The following KIFC1 variants were observed in gnomAD, a reference collection of about 807,000 sequenced individuals.
KIFC1 encodes the protein kinesin-like protein KIFC1.
Under a neutral mutation model 66.6 loss-of-function variants are expected in KIFC1, and 37 were observed. The observed-to-expected ratio is 0.56, with a 90% CI of 0.43 to 0.73. The LOEUF is 0.73. Among genes scored for constraint, KIFC1 ranks in the 30% least tolerant of loss-of-function variants. The probability of loss-of-function intolerance (pLI) is 0.00; values close to 1 mark genes in which losing one functional copy is unlikely to be tolerated. For missense variants in KIFC1, 721 were observed against 859.8 expected (o/e 0.84, Z 2.02); for synonymous variants, 325 against 343.5 (o/e 0.95, Z 0.60).
At chr6:33,395,165 G>T (rs1774972030) in intron 1 of KIFC1, among the ~76,000 whole-genome samples, 1 of 152,228 alleles carries the variant, frequency 6.6e-6, no homozygotes, top group Non-Finnish European at 1.5e-5. Context: ...GCTTAGGAGA[G>T]AAATTGGCCA....
intron 3 of KIFC1, 91 bp downstream of exon 3, chr6:33,398,478 T>A: frequency 9.4e-7 from 1 of 1,059,720 alleles, no homozygotes; most frequent in Non-Finnish European, 1.4e-6. Flanking sequence ...TATTTTATTT[T>A]TTTTGAGACA....
chr6:33,398,801 A>G (rs989110343), intron 3 of KIFC1, among the ~76,000 whole-genome samples: 3 of 152,104 alleles, frequency 2.0e-5, no homozygotes, highest in South Asian at 2.1e-4. Context: ...ATTTGGTTCA[A>G]AATTCCAAAG....
Position 33,406,539 on chromosome 6 carries a change from C to G in KIFC1, c.1827+53C>G. ...GGACCTGGGGGACAGTTGGGGTTGGCTGTGCAGAACCCTGCCTATTCCTAA... is the reference window on the plus strand; with the variant it reads ...GGACCTGGGGGACAGTTGGGGTTGGGTGTGCAGAACCCTGCCTATTCCTAA... On this transcript the variant is annotated intron_variant, in intron 8 of 10. Transcript: ENST00000428849. This position sits in a 1 kb window ranked among gnomAD's most constrained non-coding sequence, Gnocchi z 4.5. 6.2e-7 allele frequency: 1 copy of G among 1,612,116 alleles called. No individual in the cohort carries two copies. Among genetic ancestry groups the G allele is most frequent in the Admixed American group, 1.7e-5 (1 of 59,918 alleles).
rs1775851391 is a variant in KIFC1 at position 33,409,751 on chromosome 6, G to GTGTC, written c.*62_*65dup. 8.1e-7 allele frequency: 1 copy of GTGTC among 1,235,666 alleles called. No individual in the cohort carries two copies. Among genetic ancestry groups the GTGTC allele is most frequent in the Non-Finnish European group, 1.1e-6 (1 of 881,030 alleles). 76.5% of individuals were successfully genotyped at this position (1,235,666 alleles called of 1,614,324 possible). A position where few individuals can be genotyped will look rare whatever the true frequency, so the allele number is the denominator to read the frequency against. ...TGTGTGTGTGTGTGTGTGTGTGTGT[G>GTGTC]TGTCCCTATGTCTATGTATCGGGTG... On this transcript the variant is annotated 3_prime_UTR_variant, in exon 11 of 11. Transcript: ENST00000428849.
chr6:33,401,877 T>C lies in KIFC1; in HGVS notation c.251-1437T>C, dbSNP rs9278046. 0.093 allele frequency among the ~76,000 whole-genome samples: 14,152 copies of C among 152,132 alleles called. 949 individuals are homozygous for C. Among genetic ancestry groups the C allele is most frequent in the Middle Eastern group, 0.17 (51 of 294 alleles). On this transcript the variant is annotated intron_variant, in intron 3 of 10. Coordinates refer to ENST00000428849, the MANE Select transcript of KIFC1 (RefSeq NM_002263.4). This position sits in a 1 kb window ranked among gnomAD's most constrained non-coding sequence, Gnocchi z 4.5. ...CCACCACGCCTGGTTAATTTTGTTT[T>C]TGTATTTTTAGGAGAGACGGGGTTT... is the stretch of plus-strand genomic sequence containing the variant.
In KIFC1 at chr6:33,405,568, G is replaced by A; in HGVS notation, c.1473G>A (p.Gly491=). ...QGGECEIRRA[G]PGSEELTVTN... The stretch of plus-strand genomic sequence containing the variant: ...GCGAGTGTGAGATTCGCCGTGCAGG[G>A]CCAGGGAGTGAGGAGCTCACTGTCA... The change falls in exon 7 of 11, where the codon GGG becomes GGA. Residue 491 remains glycine, a synonymous_variant. Coordinates refer to ENST00000428849, the MANE Select transcript of KIFC1 (RefSeq NM_002263.4). This position sits in a 1 kb window ranked among gnomAD's most constrained non-coding sequence, Gnocchi z 5.4. 6.3e-7 allele frequency: 1 copy of A among 1,577,822 alleles called. No homozygotes were observed. Among genetic ancestry groups the A allele is most frequent in the Non-Finnish European group, 8.6e-7 (1 of 1,164,486 alleles).
At chr6:33,399,776 C>T (rs529674666) in intron 3 of KIFC1, among the ~76,000 whole-genome samples, 1 of 152,180 alleles carries the variant, frequency 6.6e-6, no homozygotes, top group Non-Finnish European at 1.5e-5. Flanking sequence ...GGAAGTTGCT[C>T]TGGGTGAGTT....
At chr6:33,402,166 A>G (rs995191507) in intron 3 of KIFC1, among the ~76,000 whole-genome samples, 3 of 152,212 alleles carry the variant, frequency 2.0e-5, no homozygotes, top group African/African-American at 7.2e-5. Context: ...ACTATATGTA[A>G]TTATATGTGT....
At chr6:33,407,203 G>A in intron 10 of KIFC1, 1 of 567,312 alleles carries the variant, frequency 1.8e-6, no homozygotes, top group Non-Finnish European at 2.7e-6. Context: ...GAGCCCAGGA[G>A]TTTAAAATCA....
intron 1 of KIFC1, among the ~76,000 whole-genome samples, chr6:33,394,954 A>G (rs755900331): frequency 1.6e-4 from 25 of 152,234 alleles, no homozygotes; most frequent in Admixed American, 6.5e-4. Context: ...AGGACCTGCC[A>G]GTGAGGTAAG....
Position 33,403,804 on chromosome 6 carries a change from G to A in KIFC1, c.431G>A (p.Cys144Tyr), listed in dbSNP as rs754820177. The A allele has an allele frequency of 1.9e-6, 3 of 1,614,234 alleles. No individual in the cohort carries two copies. Among genetic ancestry groups the A allele is most frequent in the Non-Finnish European group, 2.5e-6 (3 of 1,180,044 alleles). The stretch of plus-strand genomic sequence containing the variant: ...GCCTGGGACTTAAAGGGTCAGTTAT[G>A]TGACCTAAATGCAGAACTAAAACGG... ...RPAWDLKGQLCDLNAELKRCR... is the reference protein window; with the variant it reads ...RPAWDLKGQLYDLNAELKRCR... The change falls in exon 6 of 11, where the codon TGT becomes TAT. Residue 144 changes from cysteine (C) to tyrosine (Y), a missense_variant. By Grantham distance (194) the Cys-to-Tyr change is radical. Transcript: ENST00000428849. The surrounding 1 kb of genome is among the most constrained non-coding windows in gnomAD (Gnocchi z 4.6).
chr6:33,404,051 G>C lies in KIFC1; in HGVS notation c.678G>C (p.Leu226Phe), dbSNP rs752344724. The change falls in exon 6 of 11, where the codon TTG becomes TTC. Residue 226 changes from leucine (L) to phenylalanine (F), a missense_variant. Leu to Phe is a conservative substitution (Grantham distance 22). Coordinates refer to ENST00000428849, the MANE Select transcript of KIFC1 (RefSeq NM_002263.4). The surrounding 1 kb of genome is among the most constrained non-coding windows in gnomAD (Gnocchi z 4.0). ...LEERLSTQEG[L>F]VQELQKKQVE... ...AGCGGCTGAGCACGCAGGAGGGCTTGGTGCAAGAGCTTCAGAAAAAACAGG... is the reference window on the plus strand; with the variant it reads ...AGCGGCTGAGCACGCAGGAGGGCTTCGTGCAAGAGCTTCAGAAAAAACAGG... 1 of 1,614,032 alleles carries C rather than the reference G, an allele frequency of 6.2e-7. No homozygotes were observed. Among genetic ancestry groups the C allele is most frequent in the African/African-American group, 1.3e-5 (1 of 74,914 alleles).
At chr6:33,393,435 T>A (rs1377261473) in intron 1 of KIFC1, among the ~76,000 whole-genome samples, 1 of 4,114 alleles carries the variant, frequency 2.4e-4, no homozygotes, top group African/African-American at 8.2e-4. Flanking sequence ...CACCATTGCC[T>A]TTTTTTTTTT....
Position 33,398,400 on chromosome 6 carries a change from G to T in KIFC1, c.250+13G>T. ...GGCCAGACCACAGGTGGGCTCTCAGGATGGATAGACTCCAAGGACATGGAA... is the reference window on the plus strand; with the variant it reads ...GGCCAGACCACAGGTGGGCTCTCAGTATGGATAGACTCCAAGGACATGGAA... On this transcript the variant is annotated intron_variant, in intron 3 of 10. Transcript: ENST00000428849. 1 of 1,580,654 alleles carries T rather than the reference G, an allele frequency of 6.3e-7. No individual in the cohort carries two copies. Among genetic ancestry groups the T allele is most frequent in the Non-Finnish European group, 8.7e-7 (1 of 1,149,708 alleles).
Position 33,406,409 on chromosome 6 carries a change from G to A in KIFC1, c.1750G>A (p.Glu584Lys). The change falls in exon 8 of 11, where the codon GAA becomes AAA. Residue 584 changes from glutamate to lysine, a missense_variant. Coordinates refer to ENST00000428849, the MANE Select transcript of KIFC1 (RefSeq NM_002263.4). This position sits in a 1 kb window ranked among gnomAD's most constrained non-coding sequence, Gnocchi z 4.5. ...PGLALGPGER[E>K]RLRETQAINS... ...CTTAGCCCTCGGCCCCGGGGAGCGG[G>A]AACGCCTTCGGGAAACACAGGCCAT... 6.2e-7 allele frequency: 1 copy of A among 1,609,114 alleles called. No homozygotes were observed. Among genetic ancestry groups the A allele is most frequent in the South Asian group, 1.1e-5 (1 of 90,754 alleles).
At chr6:33,407,546 T>C (rs1775720801) in intron 10 of KIFC1, among the ~76,000 whole-genome samples, 2 of 152,262 alleles carry the variant, frequency 1.3e-5, no homozygotes, top group African/African-American at 4.8e-5. Flanking sequence ...ACACTTGGAT[T>C]GTTTCCACAC....
rs1775304014 is a variant in KIFC1, at chr6:33,400,249, T to C, written c.250+1862T>C. ...GTTGACGATCTCATCAAAAGTGATATTCCCATTGTGTTTAATGTTTTTCTG... is the reference window on the plus strand; with the variant it reads ...GTTGACGATCTCATCAAAAGTGATACTCCCATTGTGTTTAATGTTTTTCTG... On this transcript the variant is annotated intron_variant, in intron 3 of 10. Coordinates refer to ENST00000428849, the MANE Select transcript of KIFC1 (RefSeq NM_002263.4). This position sits in a 1 kb window ranked among gnomAD's most constrained non-coding sequence, Gnocchi z 4.3. The C allele has an allele frequency of 3.2e-6, 5 of 1,565,822 alleles. No homozygotes were observed. In the African/African-American group the frequency reaches 5.4e-5, roughly 17 times the overall value.
At chr6:33,394,153 T>C (rs1182427228) in intron 1 of KIFC1, among the ~76,000 whole-genome samples, 1 of 152,040 alleles carries the variant, frequency 6.6e-6, no homozygotes, top group African/African-American at 2.4e-5. Flanking sequence ...GCATTGGACA[T>C]TGTCAAATGT....
chr6:33,400,444 G>C lies in KIFC1; in HGVS notation c.250+2057G>C, dbSNP rs771669499. On this transcript the variant is annotated intron_variant, in intron 3 of 10. Coordinates refer to ENST00000428849, the MANE Select transcript of KIFC1 (RefSeq NM_002263.4). The surrounding 1 kb of genome is among the most constrained non-coding windows in gnomAD (Gnocchi z 4.3). ...AATGTCATCACCAACCTTTTTTGGAGACAGACCCAGGGGGCCGATCTTGGG... is the reference window on the plus strand; with the variant it reads ...AATGTCATCACCAACCTTTTTTGGACACAGACCCAGGGGGCCGATCTTGGG... The C allele has an allele frequency of 2.4e-5, 38 of 1,603,338 alleles. No homozygotes were observed. The Admixed American group carries it at 6.2e-4, about 26-fold the overall frequency.
Sources: gnomAD v4.1 joint callset for allele counts (sites outside exome capture counted in the v4.1 genomes callset) on GRCh38, gnomAD v4.1.1 for gene constraint, Gnocchi (gnomAD v3.1) non-coding constraint, MANE v1.5 for transcripts, NCBI Gene and HGNC (gene_info 2026-07-23, HGNC 2026-07-21) for gene names.